The following CDK6 variants were observed in gnomAD, a reference collection of about 807,000 sequenced individuals.
CDK6 encodes the protein cyclin dependent kinase 6.
In CDK6, 6 loss-of-function variants were observed where a neutral mutation model predicts 37.1. The ratio of observed to expected loss-of-function variants is 0.16; its 90% CI spans 0.09 to 0.32. The LOEUF (loss-of-function observed/expected upper bound fraction) is 0.32. Ranked by LOEUF, CDK6 falls within the 10% of genes least tolerant of loss-of-function variation. The probability of loss-of-function intolerance (pLI) is 1.00; values close to 1 mark genes in which losing one functional copy is unlikely to be tolerated. For missense variants in CDK6, 224 were observed against 418.9 expected, an observed-to-expected ratio of 0.53 and a Z score of 4.06; for synonymous variants, 160 against 161.3, an observed-to-expected ratio of 0.99 and a Z score of 0.06.
At chr7:92,669,149 C>G (rs113835223) in intron 5 of CDK6, among the ~76,000 whole-genome samples, 4 of 152,284 alleles carry the variant, frequency 2.6e-5, no homozygotes, top group African/African-American at 9.6e-5. Context: ...AAGTATTCCT[C>G]TAGTCTTGGA....
chr7:92,753,460 G>A (rs1414482760), intron 3 of CDK6, among the ~76,000 whole-genome samples: 1 of 152,084 alleles, frequency 6.6e-6, no homozygotes, highest in Non-Finnish European at 1.5e-5. Context: ...TCAATTTTTA[G>A]ATATACTTAA....
intron 4 of CDK6, among the ~76,000 whole-genome samples, chr7:92,721,021 T>C (rs952215023): frequency 2.0e-5 from 3 of 152,180 alleles, no homozygotes; most frequent in African/African-American, 7.2e-5. Context: ...AATAGTTCAA[T>C]AGAGGTCAGA....
At chr7:92,762,351 C>T (rs750314522) in intron 3 of CDK6, among the ~76,000 whole-genome samples, 2 of 152,046 alleles carry the variant, frequency 1.3e-5, no homozygotes, top group African/African-American at 2.4e-5. Context: ...CCCCATCCTC[C>T]CGACCCGGAA....
At chr7:92,718,947 A>G (rs939802985) in intron 4 of CDK6, among the ~76,000 whole-genome samples, 2 of 152,202 alleles carry the variant, frequency 1.3e-5, no homozygotes, top group Non-Finnish European at 2.9e-5. Flanking sequence ...CTGCACATAG[A>G]AAGTGATCAG....
intron 3 of CDK6, among the ~76,000 whole-genome samples, chr7:92,756,805 G>T (rs986433925): frequency 1.3e-5 from 2 of 152,094 alleles, no homozygotes; most frequent in Non-Finnish European, 2.9e-5. Context: ...CATTTCAATT[G>T]GGCAAGAAGC....
At chr7:92,741,627 A>T (rs952217129) in intron 3 of CDK6, among the ~76,000 whole-genome samples, 2 of 152,146 alleles carry the variant, frequency 1.3e-5, no homozygotes, top group African/African-American at 4.8e-5. Context: ...TTAAAATTAT[A>T]CATATATATT....
At chr7:92,774,542 T>G (rs776304627) in intron 3 of CDK6, among the ~76,000 whole-genome samples, 154 bp downstream of exon 3, 1 of 152,226 alleles carries the variant, frequency 6.6e-6, no homozygotes, top group Non-Finnish European at 1.5e-5. Context: ...AACTGGAATA[T>G]ATCCCAATCT....
chr7:92,746,030 G>A (rs1218739396), intron 3 of CDK6, among the ~76,000 whole-genome samples: 6 of 152,094 alleles, frequency 3.9e-5, no homozygotes, highest in African/African-American at 1.2e-4. Flanking sequence ...CAACCAGACC[G>A]TACCTACAGT....
At chr7:92,700,825 G>T (rs1797825095) in intron 4 of CDK6, among the ~76,000 whole-genome samples, 1 of 152,224 alleles carries the variant, frequency 6.6e-6, no homozygotes, top group African/African-American at 2.4e-5. Flanking sequence ...AGTCAAGGTG[G>T]ATATTTACAA....
intron 4 of CDK6, among the ~76,000 whole-genome samples, chr7:92,718,283 C>T (rs1326373658): frequency 6.6e-6 from 1 of 152,160 alleles, no homozygotes; most frequent in Non-Finnish European, 1.5e-5. Flanking sequence ...GTGTGTCCTG[C>T]ACTTTCGCTG....
At chr7:92,649,333 C>T (rs1388855406) in intron 5 of CDK6, among the ~76,000 whole-genome samples, 1 of 152,100 alleles carries the variant, frequency 6.6e-6, no homozygotes, top group African/African-American at 2.4e-5. Flanking sequence ...CCAACATTAT[C>T]TATAAAGCCT....
intron 2 of CDK6, among the ~76,000 whole-genome samples, chr7:92,795,132 G>C (rs780997432): frequency 9.9e-5 from 15 of 152,014 alleles, no homozygotes; most frequent in Non-Finnish European, 2.2e-4. Context: ...TTCCTAAAGA[G>C]CAAGTCTCTG....
chr7:92,769,464 A>G (rs565045648), intron 3 of CDK6, among the ~76,000 whole-genome samples: 6 of 152,332 alleles, frequency 3.9e-5, no homozygotes, highest in African/African-American at 1.4e-4. Context: ...CAGTGCCTCA[A>G]ACTTGTGAAA....
intron 3 of CDK6, among the ~76,000 whole-genome samples, chr7:92,773,942 A>T (rs1799780866): frequency 6.6e-6 from 1 of 152,212 alleles, no homozygotes; most frequent in African/African-American, 2.4e-5. Flanking sequence ...ACAGACAAAA[A>T]GGTTTTCATG....
chr7:92,677,302 A>C (rs1030268991), intron 4 of CDK6, among the ~76,000 whole-genome samples: 15 of 152,312 alleles, frequency 9.8e-5, no homozygotes, highest in South Asian at 4.1e-4. Flanking sequence ...CCCATCAATG[A>C]CCTGGGCCTA....
intron 5 of CDK6, among the ~76,000 whole-genome samples, chr7:92,653,203 C>T (rs765998969): frequency 2.0e-5 from 3 of 152,164 alleles, no homozygotes; most frequent in Admixed American, 6.5e-5. Flanking sequence ...CATGGATTGT[C>T]TCCCCTTTCA....
intron 4 of CDK6, among the ~76,000 whole-genome samples, chr7:92,699,747 C>G (rs1797800618): frequency 6.6e-6 from 1 of 152,208 alleles, no homozygotes; most frequent in Non-Finnish European, 1.5e-5. Context: ...TTCTCAAAAG[C>G]TCACAGCTGA....
At chr7:92,771,090 GCCATGCGTGGTGGC>G (rs1031565694) in intron 3 of CDK6, among the ~76,000 whole-genome samples, 52 of 151,944 alleles carry the variant, frequency 3.4e-4, no homozygotes, top group African/African-American at 1.1e-3. Context: ...TACAAAATTA[GCCATGCGTGGTGGC>G]CCGTGCCTGT....
chr7:92,638,880 T>C (rs1796237647), intron 5 of CDK6, among the ~76,000 whole-genome samples: 1 of 152,226 alleles, frequency 6.6e-6, no homozygotes, highest in Non-Finnish European at 1.5e-5. Flanking sequence ...ATGTCACCAG[T>C]TGACTGCAAT....
Sources: gnomAD v4.1 joint callset for allele counts (sites outside exome capture counted in the v4.1 genomes callset) on GRCh38, gnomAD v4.1.1 for gene constraint, MANE v1.5 for transcripts, NCBI Gene and HGNC (gene_info 2026-07-23, HGNC 2026-07-21) for gene names.